The following SPECC1 variants were observed in gnomAD, a reference collection of about 807,000 sequenced individuals.
The protein encoded by SPECC1 is sperm antigen with calponin homology and coiled-coil domains 1.
Under a neutral mutation model 104.1 loss-of-function variants are expected in SPECC1, and 62 were observed. The observed-to-expected ratio is 0.60, with a 90% CI of 0.49 to 0.74. The LOEUF (loss-of-function observed/expected upper bound fraction) is 0.74. SPECC1 is among the 30% of genes least tolerant of loss of function. The probability of loss-of-function intolerance (pLI) is 0.00; values close to 1 mark genes in which losing one functional copy is unlikely to be tolerated. For missense variants in SPECC1, 1,306 were observed against 1,310.5 expected (o/e 1.00, Z 0.05); for synonymous variants, 513 against 501.6 (o/e 1.02, Z -0.30).
intron 3 of SPECC1, among the ~76,000 whole-genome samples, chr17:20,121,842 TCTC>T (rs1026783446): frequency 2.0e-5 from 3 of 152,226 alleles, no homozygotes; most frequent in East Asian, 1.9e-4. Context: ...GCACCCACCT[TCTC>T]CTCTGCTACA....
At chr17:20,056,450 G>T in intron 1 of SPECC1, 2 of 197,686 alleles carry the variant, frequency 1.0e-5, no homozygotes, top group Middle Eastern at 8.7e-4. Flanking sequence ...GCTGGAAGCC[G>T]AATGAATTCC....
chr17:20,210,698 C>A (rs753100499), intron 4 of SPECC1, among the ~76,000 whole-genome samples: 7 of 152,236 alleles, frequency 4.6e-5, no homozygotes, highest in Admixed American at 6.5e-5. Context: ...CACTCCCTCA[C>A]CTTTTCCCAC....
chr17:20,232,230 G>T lies in SPECC1; in HGVS notation c.2176G>T (p.Ala726Ser), dbSNP rs771153072. Residue 726 changes from alanine to serine, a missense_variant, in exon 7 of 15, where the codon GCG becomes TCG. Coordinates refer to ENST00000395527, the MANE Select transcript of SPECC1 (RefSeq NM_001243439.2). ...EETEEWRRFQ[A>S]DLQTAVVVAN... The stretch of plus-strand genomic sequence containing the variant: ...GACCGAGGAATGGAGGCGGTTCCAG[G>T]CGGATCTGCAGACCGCAGTGGTGGT... The T allele has an allele frequency of 6.2e-7, 1 of 1,614,150 alleles. No individual in the cohort carries two copies. The highest frequency in any genetic ancestry group is 8.5e-7 in the Non-Finnish European group (1 of 1,180,042).
chr17:20,049,645 T>A (rs1337023036), intron 1 of SPECC1, among the ~76,000 whole-genome samples: 1 of 152,180 alleles, frequency 6.6e-6, no homozygotes, highest in African/African-American at 2.4e-5. Context: ...TAGCTGTGTT[T>A]GTGCTATGTT....
At chr17:20,217,839 G>C (rs552987833) in intron 4 of SPECC1, among the ~76,000 whole-genome samples, 7 of 152,124 alleles carry the variant, frequency 4.6e-5, no homozygotes, top group African/African-American at 1.2e-4. Flanking sequence ...ACTTAAGCCC[G>C]GGAGCCTGGG....
chr17:20,063,702 A>C (rs1476743010), intron 1 of SPECC1, among the ~76,000 whole-genome samples: 1 of 152,200 alleles, frequency 6.6e-6, no homozygotes, highest in Non-Finnish European at 1.5e-5. Context: ...CATCACAAAC[A>C]CAGGCAGTTC....
At chr17:20,034,675 G>T (rs2044987780) in intron 1 of SPECC1, among the ~76,000 whole-genome samples, 1 of 139,202 alleles carries the variant, frequency 7.2e-6, no homozygotes, top group African/African-American at 2.7e-5. Flanking sequence ...GTGTGATCTT[G>T]GCTCACCGCA....
At chr17:20,143,916 G>T (rs954717774) in intron 3 of SPECC1, among the ~76,000 whole-genome samples, 2 of 152,198 alleles carry the variant, frequency 1.3e-5, no homozygotes, top group African/African-American at 2.4e-5. Context: ...CACAGGGCGT[G>T]GGGGAGCCCA....
At chr17:20,213,862 G>C (rs565004488) in intron 4 of SPECC1, among the ~76,000 whole-genome samples, 4 of 131,018 alleles carry the variant, frequency 3.1e-5, no homozygotes, top group African/African-American at 1.3e-4. Context: ...TCAAGACAGT[G>C]GGAGTCTCTG....
intron 3 of SPECC1, chr17:20,156,044 A>G: frequency 7.8e-7 from 1 of 1,276,444 alleles, no homozygotes. Flanking sequence ...CTCCGCCGGC[A>G]GCTGCTGGGA....
chr17:20,152,754 C>T (rs1454693706), intron 3 of SPECC1, among the ~76,000 whole-genome samples: 1 of 152,092 alleles, frequency 6.6e-6, no homozygotes, highest in Non-Finnish European at 1.5e-5. Context: ...TCACTGCAAC[C>T]TCTGCCTCCC....
At chr17:20,118,108 AAAT>A (rs1237584573) in intron 3 of SPECC1, among the ~76,000 whole-genome samples, 4 of 143,010 alleles carry the variant, frequency 2.8e-5, no homozygotes, top group Non-Finnish European at 6.0e-5. Flanking sequence ...GTCTCACAAT[AAAT>A]AAATAATAAA....
rs1018274979 is a variant in SPECC1 at position 20,162,839 on chromosome 17, C to T, written c.284-41494C>T. On this transcript the variant is annotated intron_variant, in intron 3 of 14. Transcript: ENST00000395527. ...AGTTGGGAGTTCGAGACCAGCCTGACCAACATGGAGAAGCCTTGTCTCTAC... is the reference window on the plus strand; with the variant it reads ...AGTTGGGAGTTCGAGACCAGCCTGATCAACATGGAGAAGCCTTGTCTCTAC... 3.3e-5 allele frequency among the ~76,000 whole-genome samples: 5 copies of T among 152,142 alleles called. No individual in the cohort carries two copies. In the South Asian group the frequency reaches 1.0e-3, roughly 32 times the overall value.
intron 1 of SPECC1, among the ~76,000 whole-genome samples, chr17:20,019,853 ATCACTGGCTTCTTTG>A (rs112180638): frequency 0.51 from 76,831 of 151,760 alleles, 19,951 homozygotes; most frequent in African/African-American, 0.57. Flanking sequence ...AGGGCCTTTC[ATCACTGGCTTCTTTG>A]TCACTGGCTT....
intron 3 of SPECC1, among the ~76,000 whole-genome samples, chr17:20,133,169 T>C (rs2049745226): frequency 6.6e-6 from 1 of 152,184 alleles, no homozygotes; most frequent in Non-Finnish European, 1.5e-5. Context: ...CAGAAGTTTG[T>C]CAATTTTATA....
At chr17:20,291,279 C>G (rs1477737388) in intron 12 of SPECC1, among the ~76,000 whole-genome samples, 1 of 152,238 alleles carries the variant, frequency 6.6e-6, no homozygotes, top group East Asian at 1.9e-4. Context: ...TCCTTTCACT[C>G]TTGTCGAAGA....
chr17:20,269,471 G>A (rs541869968), intron 12 of SPECC1, among the ~76,000 whole-genome samples: 1 of 152,320 alleles, frequency 6.6e-6, no homozygotes, highest in South Asian at 2.1e-4. Context: ...TGTTGCCCAG[G>A]CTGGAGTGCA....
chr17:20,279,405 CT>C (rs2040688122), intron 12 of SPECC1, among the ~76,000 whole-genome samples: 1 of 150,716 alleles, frequency 6.6e-6, no homozygotes. Flanking sequence ...TCACTGCAAC[CT>C]CTGCCCCCTG....
chr17:20,109,802 T>G (rs1450316959), intron 2 of SPECC1, among the ~76,000 whole-genome samples: 1 of 152,190 alleles, frequency 6.6e-6, no homozygotes, highest in Non-Finnish European at 1.5e-5. Context: ...CTCCCAGTTC[T>G]TTTTTCATTG....
Sources: allele counts gnomAD v4.1 joint callset (sites outside exome capture counted in the v4.1 genomes callset), GRCh38; gene constraint gnomAD v4.1.1; transcripts MANE v1.5; gene names NCBI Gene and HGNC (gene_info 2026-07-23, HGNC 2026-07-21).